NTRK2: variants seen among roughly 807,000 people sequenced by gnomAD.
NTRK2 encodes the protein neurotrophic receptor tyrosine kinase 2, also known as BDNF/NT-3 growth factors receptor.
Under a neutral mutation model 94.5 loss-of-function variants are expected in NTRK2, and 13 were observed. The observed-to-expected ratio is 0.14, with a 90% CI of 0.09 to 0.22. The LOEUF is 0.22. Ranked by LOEUF, NTRK2 falls within the 10% of genes least tolerant of loss-of-function variation. The pLI, the probability that NTRK2 is intolerant of heterozygous loss-of-function variation, is 1.00. For synonymous variants in NTRK2, 372 were observed against 407.4 expected, an observed-to-expected ratio of 0.91 and a Z score of 1.05; for missense variants, 639 against 1,071.2, an observed-to-expected ratio of 0.60 and a Z score of 5.63.
At chr9:84,674,336 A>G (rs1587843183) in intron 2 of NTRK2, among the ~76,000 whole-genome samples, 1 of 152,252 alleles carries the variant, frequency 6.6e-6, no homozygotes, top group South Asian at 2.1e-4. Flanking sequence ...ACCTAAATAG[A>G]ATTTGGAGCT....
rs551928569 is a variant in NTRK2 at position 84,924,083 on chromosome 9, G to A, written c.1634-10079G>A. ...AGGTTTATGGCTGGCGTGGTGGCAC[G>A]CATCTGTAGTCCCAGCTACTTGGGA... On this transcript the variant is annotated intron_variant, in intron 14 of 18. Transcript: ENST00000277120. Among the ~76,000 whole-genome samples, 19 of 152,008 alleles carry A rather than the reference G, an allele frequency of 1.2e-4. No homozygotes were observed. The South Asian group carries it at 2.3e-3, about 18-fold the overall frequency.
chr9:84,873,385 TA>T, intron 14 of NTRK2: 1 of 1,057,814 alleles, frequency 9.5e-7, no homozygotes, highest in Non-Finnish European at 1.1e-6. Context: ...TTAGGATCCT[TA>T]AAAATTGCTT....
Position 85,024,659 on chromosome 9 carries a change from A to G in NTRK2, c.*3222A>G, listed in dbSNP as rs1209843305. 4.3e-6 allele frequency: 1 copy of G among 232,908 alleles called. No homozygotes were observed. The highest frequency in any genetic ancestry group is 8.5e-6 in the Non-Finnish European group (1 of 117,904). 14.4% of individuals were successfully genotyped at this position (232,908 alleles called of 1,614,324 possible). A position where few individuals can be genotyped will look rare whatever the true frequency, so the allele number is the denominator to read the frequency against. On this transcript the variant is annotated 3_prime_UTR_variant, in exon 19 of 19. Coordinates refer to ENST00000277120, the MANE Select transcript of NTRK2 (RefSeq NM_006180.6). ...TTCAGGAAAGAAAGCATGCTAACAC[A>G]TTCATGAAGCAGTATATGAAGTTAG...
intron 12 of NTRK2, among the ~76,000 whole-genome samples, chr9:84,818,294 C>T (rs1241438591): frequency 7.2e-5 from 11 of 152,124 alleles, no homozygotes; most frequent in African/African-American, 2.4e-4. Context: ...GGGGCTAGAG[C>T]GAGGCCAGCC....
chr9:84,737,164 A>G (rs2063320041), intron 9 of NTRK2, among the ~76,000 whole-genome samples: 1 of 152,206 alleles, frequency 6.6e-6, no homozygotes, highest in South Asian at 2.1e-4. Context: ...AAAAGTTTAA[A>G]GGAAGGAAAC....
intron 17 of NTRK2, among the ~76,000 whole-genome samples, chr9:84,957,474 C>T (rs1007101465): frequency 1.3e-5 from 2 of 152,198 alleles, no homozygotes; most frequent in Non-Finnish European, 2.9e-5. Flanking sequence ...CCAAAGACAA[C>T]ATCCACATGG....
At chr9:84,821,349 C>G (rs531481199) in intron 12 of NTRK2, among the ~76,000 whole-genome samples, 86 of 145,754 alleles carry the variant, frequency 5.9e-4, no homozygotes, top group African/African-American at 2.1e-3. Context: ...ACACACACCC[C>G]TATGGAATAG....
At chr9:84,834,445 G>T (rs1377809337) in intron 12 of NTRK2, among the ~76,000 whole-genome samples, 2 of 152,134 alleles carry the variant, frequency 1.3e-5, no homozygotes, top group African/African-American at 4.8e-5. Flanking sequence ...GAGCCCCAAA[G>T]TGTTAGTCCC....
intron 10 of NTRK2, among the ~76,000 whole-genome samples, chr9:84,744,513 G>A (rs973981642): frequency 3.3e-5 from 5 of 151,976 alleles, no homozygotes; most frequent in African/African-American, 1.2e-4. Flanking sequence ...ACGTGTGAGC[G>A]CTACCATCTT....
intron 9 of NTRK2, among the ~76,000 whole-genome samples, chr9:84,738,710 G>A (rs914538053): frequency 6.6e-6 from 1 of 151,994 alleles, no homozygotes; most frequent in Non-Finnish European, 1.5e-5. Context: ...CTAAACCTTT[G>A]TATACTGAGA....
intron 9 of NTRK2, among the ~76,000 whole-genome samples, chr9:84,730,808 A>AAAAAAAAAACC: frequency 7.0e-6 from 1 of 142,670 alleles, no homozygotes; most frequent in Non-Finnish European, 1.5e-5. Context: ...AAAAAAAAAA[A>AAAAAAAAAACC]TCCCTGCTTG....
intron 12 of NTRK2, among the ~76,000 whole-genome samples, chr9:84,754,702 C>T (rs1333512481): frequency 6.6e-5 from 10 of 152,118 alleles, no homozygotes; most frequent in Admixed American, 6.6e-4. Context: ...ATGTGAAAGG[C>T]TTGTGGCTGC....
chr9:84,807,169 G>T (rs2071220204), intron 12 of NTRK2, among the ~76,000 whole-genome samples: 1 of 152,212 alleles, frequency 6.6e-6, no homozygotes, highest in African/African-American at 2.4e-5. Flanking sequence ...ATGTACTGCA[G>T]ATCCTTGCCA....
intron 4 of NTRK2, among the ~76,000 whole-genome samples, chr9:84,705,806 A>G (rs1416093011): frequency 6.4e-5 from 4 of 62,344 alleles, no homozygotes; most frequent in Admixed American, 1.9e-4. Flanking sequence ...TTTTTTTTTT[A>G]AAGAAGGAGT....
rs574965638 is a variant in NTRK2 at position 84,743,300 on chromosome 9, T to C, written c.1195+1373T>C. ...AAGATTGATTAAAACATTACATTTA[T>C]ATATTTTCTGTAAAATATTCTGTTC... On this transcript the variant is annotated intron_variant, in intron 10 of 18. Coordinates refer to ENST00000277120, the MANE Select transcript of NTRK2 (RefSeq NM_006180.6). Among the ~76,000 whole-genome samples the C allele has an allele frequency of 2.0e-4, 31 of 152,348 alleles. 1 individual carries two copies. In the South Asian group the frequency reaches 6.2e-3, roughly 31 times the overall value.
intron 17 of NTRK2, among the ~76,000 whole-genome samples, chr9:84,962,535 C>G (rs986657050): frequency 6.6e-6 from 1 of 152,120 alleles, no homozygotes; most frequent in Admixed American, 6.5e-5. Context: ...TCACTAGCCC[C>G]TATACTTTAT....
At chr9:84,937,326 A>G (rs1013904869) in intron 15 of NTRK2, among the ~76,000 whole-genome samples, 4 of 152,200 alleles carry the variant, frequency 2.6e-5, no homozygotes, top group African/African-American at 9.6e-5. Flanking sequence ...TGCATTGATT[A>G]TGCATGCTAA....
intron 14 of NTRK2, among the ~76,000 whole-genome samples, chr9:84,901,154 A>G (rs1229634075): frequency 2.0e-5 from 3 of 151,642 alleles, no homozygotes; most frequent in African/African-American, 7.3e-5. Flanking sequence ...GTAAATTACT[A>G]TAGCTCTGTT....
intron 2 of NTRK2, among the ~76,000 whole-genome samples, chr9:84,679,700 C>T (rs1015797071): frequency 2.0e-5 from 3 of 152,158 alleles, no homozygotes; most frequent in African/African-American, 7.2e-5. Flanking sequence ...ACTAGTGTTT[C>T]CTTTTCTGTT....
Sources: allele counts gnomAD v4.1 joint callset (sites outside exome capture counted in the v4.1 genomes callset), GRCh38; gene constraint gnomAD v4.1.1; transcripts MANE v1.5; gene names NCBI Gene and HGNC (gene_info 2026-07-23, HGNC 2026-07-21).